The following CDK14 variants were observed in gnomAD, a reference collection of about 807,000 sequenced individuals.
CDK14 encodes cyclin dependent kinase 14, also known as cyclin-dependent kinase 14.
In CDK14, 34 loss-of-function variants were observed where a neutral mutation model predicts 60.7. The ratio of observed to expected loss-of-function variants is 0.56; its 90% CI spans 0.43 to 0.75. CDK14 has a LOEUF of 0.75. Ranked by LOEUF, CDK14 falls within the 30% of genes least tolerant of loss-of-function variation. The pLI is 0.00. For synonymous variants in CDK14, 197 were observed against 203.7 expected, an observed-to-expected ratio of 0.97 and a Z score of 0.28; for missense variants, 482 against 564.1, an observed-to-expected ratio of 0.85 and a Z score of 1.47.
intron 5 of CDK14, among the ~76,000 whole-genome samples, chr7:90,808,817 C>G (rs1381775360): frequency 6.6e-6 from 1 of 152,096 alleles, no homozygotes; most frequent in Admixed American, 6.6e-5. Context: ...GGTTGCAATC[C>G]TAGTCTGTGA....
At chr7:91,147,281 C>CT (rs1800682494) in intron 14 of CDK14, among the ~76,000 whole-genome samples, 1 of 141,498 alleles carries the variant, frequency 7.1e-6, no homozygotes, top group Admixed American at 7.0e-5. Context: ...CTTTTTTTTT[C>CT]TTTTTTGAGT....
chr7:91,023,224 A>C (rs1311095066), intron 10 of CDK14, among the ~76,000 whole-genome samples: 1 of 152,184 alleles, frequency 6.6e-6, no homozygotes, highest in Non-Finnish European at 1.5e-5. Context: ...TAATCAGTAC[A>C]CAATTTACTG....
At chr7:90,687,000 C>G (rs559666056) in intron 2 of CDK14, among the ~76,000 whole-genome samples, 2 of 151,952 alleles carry the variant, frequency 1.3e-5, no homozygotes, top group East Asian at 3.9e-4. Flanking sequence ...AAAACTCATT[C>G]ATGTGACTGC....
At chr7:91,122,503 C>T (rs774052063) in intron 14 of CDK14, among the ~76,000 whole-genome samples, 3 of 152,126 alleles carry the variant, frequency 2.0e-5, no homozygotes, top group Non-Finnish European at 2.9e-5. Flanking sequence ...CTCGGTAGGC[C>T]ACCTAGAGCT....
At chr7:91,202,773 C>CCT (rs1802771974) in intron 14 of CDK14, among the ~76,000 whole-genome samples, 1 of 152,138 alleles carries the variant, frequency 6.6e-6, no homozygotes, top group South Asian at 2.1e-4. Context: ...AAAGAGTCTG[C>CCT]CTCTCATTGG....
At chr7:91,065,113 A>G (rs979317351) in intron 11 of CDK14, among the ~76,000 whole-genome samples, 2 of 152,226 alleles carry the variant, frequency 1.3e-5, no homozygotes, top group African/African-American at 4.8e-5. Context: ...TTGCTCAAAG[A>G]TTACTCATTT....
chr7:90,841,212 T>C (rs923000464), intron 5 of CDK14, among the ~76,000 whole-genome samples: 1 of 152,188 alleles, frequency 6.6e-6, no homozygotes, highest in Non-Finnish European at 1.5e-5. Flanking sequence ...GCAACTATTC[T>C]ATGTCTTATT....
At chr7:90,671,055 G>A (rs1346471466) in intron 2 of CDK14, among the ~76,000 whole-genome samples, 6 of 152,144 alleles carry the variant, frequency 3.9e-5, no homozygotes, top group Admixed American at 3.9e-4. Context: ...CAAGTTGCCA[G>A]CTGGATGTCT....
intron 5 of CDK14, among the ~76,000 whole-genome samples, chr7:90,811,700 A>G (rs912445057): frequency 1.3e-5 from 2 of 151,702 alleles, no homozygotes; most frequent in African/African-American, 2.4e-5. Context: ...ATGGGAGAAA[A>G]TTTTCGCAAT....
intron 12 of CDK14, among the ~76,000 whole-genome samples, chr7:91,101,316 A>G (rs1001483349): frequency 9.9e-5 from 15 of 152,152 alleles, no homozygotes; most frequent in Non-Finnish European, 1.9e-4. Context: ...TGACCCTTTG[A>G]TCATCTGGAT....
At chr7:91,067,998 G>A (rs1798027922) in intron 11 of CDK14, among the ~76,000 whole-genome samples, 1 of 152,148 alleles carries the variant, frequency 6.6e-6, no homozygotes, top group South Asian at 2.1e-4. Flanking sequence ...GAGGGCATTT[G>A]ACTTAATTAA....
At chr7:90,957,007 T>C (rs1449428359) in intron 9 of CDK14, among the ~76,000 whole-genome samples, 1 of 150,792 alleles carries the variant, frequency 6.6e-6, no homozygotes, top group East Asian at 1.9e-4. Context: ...CTTAATCCAG[T>C]CTATCATTGT....
At chr7:90,697,869 C>A (rs1327344177) in intron 2 of CDK14, among the ~76,000 whole-genome samples, 5 of 151,650 alleles carry the variant, frequency 3.3e-5, no homozygotes, top group African/African-American at 4.8e-5. Flanking sequence ...GAGATCCAGA[C>A]CATCCTGGCT....
At chr7:90,902,933 G>GA (rs1419440937) in intron 7 of CDK14, among the ~76,000 whole-genome samples, 8 of 151,990 alleles carry the variant, frequency 5.3e-5, no homozygotes, top group African/African-American at 1.7e-4. Context: ...CAAAGGACCT[G>GA]AAAAAACCTG....
At chr7:91,201,661 C>T (rs942811456) in intron 14 of CDK14, among the ~76,000 whole-genome samples, 3 of 152,102 alleles carry the variant, frequency 2.0e-5, no homozygotes, top group African/African-American at 7.2e-5. Flanking sequence ...GTTGTCCCTC[C>T]GGCATGTAAA....
chr7:90,832,992 C>G (rs1046476433), intron 5 of CDK14, among the ~76,000 whole-genome samples: 1 of 152,166 alleles, frequency 6.6e-6, no homozygotes, highest in Admixed American at 6.5e-5. Flanking sequence ...CCAGCCATCA[C>G]CTTGTCACCC....
intron 11 of CDK14, among the ~76,000 whole-genome samples, chr7:91,061,401 G>A (rs1053302418): frequency 5.3e-5 from 8 of 152,172 alleles, no homozygotes; most frequent in South Asian, 2.1e-4. Context: ...CTCTCAATTC[G>A]TCAAAGTCAT....
chr7:90,852,659 TAGC>T (rs1790686628), intron 5 of CDK14, among the ~76,000 whole-genome samples: 2 of 152,160 alleles, frequency 1.3e-5, no homozygotes, highest in African/African-American at 2.4e-5. Context: ...GCACGGTTAT[TAGC>T]AGCCGAGCAT....
chr7:91,171,184 C>T (rs1234229849), intron 14 of CDK14, among the ~76,000 whole-genome samples: 1 of 152,036 alleles, frequency 6.6e-6, no homozygotes, highest in East Asian at 2.0e-4. Flanking sequence ...CCCATCTCTA[C>T]TAAAAATACA....
Sources: gnomAD v4.1 joint callset for allele counts (sites outside exome capture counted in the v4.1 genomes callset) on GRCh38, gnomAD v4.1.1 for gene constraint, MANE v1.5 for transcripts, NCBI Gene and HGNC (gene_info 2026-07-23, HGNC 2026-07-21) for gene names.